GRIK2: variants seen among roughly 807,000 people sequenced by gnomAD.
GRIK2 encodes the protein glutamate ionotropic receptor kainate type subunit 2.
A neutral mutation model predicts 100.3 loss-of-function variants in GRIK2; 32 were observed. The ratio of observed to expected loss-of-function variants is 0.32; its 90% CI spans 0.24 to 0.43. GRIK2 has a LOEUF of 0.43. GRIK2 is among the 20% of genes least tolerant of loss of function. The pLI is 1.00. For synonymous variants in GRIK2, 417 were observed against 389.4 expected, an observed-to-expected ratio of 1.07 and a Z score of -0.83; for missense variants, 843 against 1,114.9, an observed-to-expected ratio of 0.76 and a Z score of 3.47.
At chr6:101,408,444 A>G (rs1201955515) in intron 2 of GRIK2, among the ~76,000 whole-genome samples, 1 of 152,002 alleles carries the variant, frequency 6.6e-6, no homozygotes, top group Admixed American at 6.6e-5. Flanking sequence ...TTACATGATT[A>G]TGGTATTATG....
chr6:101,485,781 A>C (rs1230774754), intron 2 of GRIK2, among the ~76,000 whole-genome samples: 1 of 152,198 alleles, frequency 6.6e-6, no homozygotes, highest in Non-Finnish European at 1.5e-5. Context: ...ACATTTCTGC[A>C]TAATAGGCAA....
chr6:101,594,447 C>A (rs1019158861), intron 2 of GRIK2, among the ~76,000 whole-genome samples: 1 of 151,586 alleles, frequency 6.6e-6, no homozygotes, highest in African/African-American at 2.4e-5. Flanking sequence ...AGTGCTTGTG[C>A]CACACAAAAA....
chr6:101,630,841 CAT>C (rs150166203), intron 4 of GRIK2, among the ~76,000 whole-genome samples: 4,242 of 152,024 alleles, frequency 0.028, 139 homozygotes, highest in African/African-American at 0.083. Context: ...GCAAAACACA[CAT>C]GTGCTTTTTT....
At position 101,602,376 on chromosome 6, in the gene GRIK2, C is replaced by T. The variant is rs559127979; in HGVS notation, c.116-19573C>T. Among the ~76,000 whole-genome samples the T allele has an allele frequency of 2.8e-4, 42 of 151,210 alleles. 2 individuals are homozygous for T. On this transcript the variant is annotated intron_variant, in intron 2 of 16. Coordinates refer to ENST00000369134, the MANE Select transcript of GRIK2 (RefSeq NM_021956.5). ...GTGTTTGGTCTTAGAGTATGTTCTG[C>T]ACTTTCATTGTATATATACAGTAAA...
At chr6:101,635,967 G>T (rs537257141) in intron 4 of GRIK2, among the ~76,000 whole-genome samples, 1 of 152,238 alleles carries the variant, frequency 6.6e-6, no homozygotes, top group African/African-American at 2.4e-5. Flanking sequence ...TCTAGAACCA[G>T]AAATACCATT....
Position 101,902,702 on chromosome 6 carries a change from T to C in GRIK2, c.1748+12839T>C, listed in dbSNP as rs1314703045. Among the ~76,000 whole-genome samples the C allele has an allele frequency of 1.1e-4, 17 of 152,008 alleles. No individual in the cohort carries two copies. The South Asian group carries it at 3.3e-3, about 30-fold the overall frequency. ...AAAATTTAACTATTTACATGGAAAT[T>C]TTTTTAACTACAACATATTCTTTCC... On this transcript the variant is annotated intron_variant, in intron 12 of 16. Coordinates refer to ENST00000369134, the MANE Select transcript of GRIK2 (RefSeq NM_021956.5).
At position 101,486,520 on chromosome 6, in the gene GRIK2, A is replaced by T. The variant is rs530518470; in HGVS notation, c.115+87128A>T. ...TATTGTAATGTAGAGCACCTAGAAG[A>T]TATATTTGTGTTTACTTTAAGCATT... On this transcript the variant is annotated intron_variant, in intron 2 of 16. Coordinates refer to ENST00000369134, the MANE Select transcript of GRIK2 (RefSeq NM_021956.5). 6.6e-5 allele frequency among the ~76,000 whole-genome samples: 10 copies of T among 152,082 alleles called. No individual in the cohort carries two copies. The South Asian group carries it at 2.1e-3, about 32-fold the overall frequency.
chr6:101,656,276 C>A, intron 4 of GRIK2, among the ~76,000 whole-genome samples: 1 of 145,928 alleles, frequency 6.9e-6, no homozygotes, highest in African/African-American at 2.5e-5. Flanking sequence ...GTACTCCAGC[C>A]TGGGTAACAA....
chr6:101,831,172 A>G (rs1000535829), intron 10 of GRIK2, among the ~76,000 whole-genome samples: 32 of 152,150 alleles, frequency 2.1e-4, no homozygotes, highest in African/African-American at 7.0e-4. Context: ...TATTCCTTTT[A>G]TATGTAGAAA....
At chr6:101,809,931 A>C (rs1239237992) in intron 9 of GRIK2, among the ~76,000 whole-genome samples, 1 of 152,006 alleles carries the variant, frequency 6.6e-6, no homozygotes, top group Non-Finnish European at 1.5e-5. Context: ...ACTATTTATG[A>C]ATGATGTTTA....
intron 12 of GRIK2, among the ~76,000 whole-genome samples, chr6:101,899,007 A>G (rs1057396998): frequency 1.3e-5 from 2 of 151,680 alleles, no homozygotes; most frequent in African/African-American, 2.4e-5. Flanking sequence ...TTTACATTCC[A>G]TTACATAATT....
chr6:101,752,608 G>A (rs1026667337), intron 7 of GRIK2, among the ~76,000 whole-genome samples: 3 of 152,048 alleles, frequency 2.0e-5, no homozygotes, highest in African/African-American at 7.3e-5. Context: ...TCTATTTTAT[G>A]TCTGTATCTC....
chr6:101,617,240 C>G (rs1040051508), intron 2 of GRIK2, among the ~76,000 whole-genome samples: 15 of 151,680 alleles, frequency 9.9e-5, no homozygotes, highest in Non-Finnish European at 1.9e-4. Flanking sequence ...TCCAAGCACT[C>G]AGATTAAGAA....
intron 4 of GRIK2, among the ~76,000 whole-genome samples, chr6:101,665,862 A>G (rs1769992022): frequency 6.6e-6 from 1 of 152,160 alleles, no homozygotes; most frequent in Non-Finnish European, 1.5e-5. Context: ...GTAACTGGAA[A>G]GGTGAGTTGC....
rs1298412797 is a variant in GRIK2 at position 101,536,486 on chromosome 6, GAA to G, written c.116-85460_116-85459del. Among the ~76,000 whole-genome samples the G allele has an allele frequency of 2.0e-5, 3 of 151,528 alleles. No homozygotes were observed. In the Admixed American group the frequency reaches 2.0e-4, roughly 10 times the overall value. On this transcript the variant is annotated intron_variant, in intron 2 of 16. Coordinates refer to ENST00000369134, the MANE Select transcript of GRIK2 (RefSeq NM_021956.5). ...GACCACACAAAAAGCAAAAGACTTA[GAA>G]AAGACATTAACAAGGATTACATTTC...
chr6:102,019,579 C>T (rs1373361545), intron 14 of GRIK2, among the ~76,000 whole-genome samples: 1 of 151,962 alleles, frequency 6.6e-6, no homozygotes, highest in Non-Finnish European at 1.5e-5. Flanking sequence ...TTCAGCTTTC[C>T]TAACTGTATG....
At chr6:101,924,325 A>T (rs1484098581) in intron 12 of GRIK2, among the ~76,000 whole-genome samples, 1 of 152,198 alleles carries the variant, frequency 6.6e-6, no homozygotes, top group African/African-American at 2.4e-5. Context: ...CCTAAGTCTT[A>T]AAAAATGTTA....
rs183355577 is a variant in GRIK2, at chr6:101,811,176, A to G, written c.1204-7194A>G. 1.8e-4 allele frequency among the ~76,000 whole-genome samples: 28 copies of G among 152,154 alleles called. 1 individual carries two copies. The highest frequency in any genetic ancestry group is 1.8e-3 in the Admixed American group (28 of 15,264). ...GAAAGAAATTTCTTTAAGCAAACATATTCTAAGATGGAGAGTCTGCATTGT... is the reference window on the plus strand; with the variant it reads ...GAAAGAAATTTCTTTAAGCAAACATGTTCTAAGATGGAGAGTCTGCATTGT... On this transcript the variant is annotated intron_variant, in intron 9 of 16. Transcript: ENST00000369134.
intron 14 of GRIK2, among the ~76,000 whole-genome samples, chr6:101,971,301 T>C (rs1239276417): frequency 6.6e-6 from 1 of 152,082 alleles, no homozygotes; most frequent in African/African-American, 2.4e-5. Context: ...AACAGTGATA[T>C]ATGTGTTTAT....
Sources: gnomAD v4.1 joint callset for allele counts (sites outside exome capture counted in the v4.1 genomes callset) on GRCh38, gnomAD v4.1.1 for gene constraint, MANE v1.5 for transcripts, NCBI Gene and HGNC (gene_info 2026-07-23, HGNC 2026-07-21) for gene names.